PHACTR2: variants seen among roughly 807,000 people sequenced by gnomAD.
PHACTR2 encodes phosphatase and actin regulator 2.
In PHACTR2, 30 loss-of-function variants were observed where a neutral mutation model predicts 76.0. The observed-to-expected ratio is 0.39, with a 90% CI of 0.30 to 0.54. The LOEUF (loss-of-function observed/expected upper bound fraction) is 0.54, where lower values mean the gene tolerates loss of function less well. PHACTR2 is among the 20% of genes least tolerant of loss of function. The probability of loss-of-function intolerance (pLI) is 0.61; values close to 1 mark genes in which losing one functional copy is unlikely to be tolerated. For missense variants in PHACTR2, 696 were observed against 781.1 expected (o/e 0.89, Z 1.30); for synonymous variants, 292 against 292.5 (o/e 1.00, Z 0.02).
chr6:143,727,255 T>G (rs1259706207), intron 2 of PHACTR2, among the ~76,000 whole-genome samples: 1 of 152,154 alleles, frequency 6.6e-6, no homozygotes, highest in Non-Finnish European at 1.5e-5. Context: ...TTCCTCCAGT[T>G]GTATCTATGT....
intron 2 of PHACTR2, among the ~76,000 whole-genome samples, chr6:143,741,130 C>T (rs1778932492): frequency 6.7e-6 from 1 of 149,764 alleles, no homozygotes; most frequent in Non-Finnish European, 1.5e-5. Context: ...TGCCTGTAAT[C>T]CCAGCTACTC....
chr6:143,669,595 C>G (rs1777108259), intron 1 of PHACTR2, among the ~76,000 whole-genome samples: 1 of 152,114 alleles, frequency 6.6e-6, no homozygotes, highest in African/African-American at 2.4e-5. Context: ...GTTAATTCTT[C>G]TTGTTGCATC....
chr6:143,611,929 A>C lies in PHACTR2; in HGVS notation c.13+3607A>C, dbSNP rs1775983460. Among the ~76,000 whole-genome samples the C allele has an allele frequency of 6.6e-6, 1 of 152,230 alleles. No individual in the cohort carries two copies. Among genetic ancestry groups the C allele is most frequent in the African/African-American group, 2.4e-5 (1 of 41,466 alleles). Reference sequence around the variant, plus strand: ...ATATGGAGGCAGGGAGAACTGCAGCAGTCAAAGGAGACCCTGGAGGTTTCC... The same window carrying C: ...ATATGGAGGCAGGGAGAACTGCAGCCGTCAAAGGAGACCCTGGAGGTTTCC... On this transcript the variant is annotated intron_variant, in intron 1 of 11. Coordinates refer to the PHACTR2 transcript ENST00000305766. This position sits in a 1 kb window ranked among gnomAD's most constrained non-coding sequence, Gnocchi z 4.4.
At chr6:143,779,000 C>CT (rs1015002387) in intron 9 of PHACTR2, among the ~76,000 whole-genome samples, 12 of 152,050 alleles carry the variant, frequency 7.9e-5, no homozygotes, top group Admixed American at 2.0e-4. Context: ...GACTCCAGCC[C>CT]TTTTTTTCCT....
rs751090754 is a variant in PHACTR2, at chr6:143,711,035, A to C, written c.47-981A>C. 3 of 517,020 alleles carry C rather than the reference A, an allele frequency of 5.8e-6. No individual in the cohort carries two copies. In the Admixed American group the frequency reaches 5.9e-5, roughly 10 times the overall value. The allele number at this position is 517,020 out of a possible 1,614,324, so 32.0% of individuals were successfully genotyped here. On this transcript the variant is annotated intron_variant, in intron 1 of 12. Transcript: ENST00000440869. The stretch of plus-strand genomic sequence containing the variant: ...CTTCACTGTCAGTTTACGGTTTTTT[A>C]AAGGTAAATTTTACAAAAGTGAAAT...
Position 143,809,157 on chromosome 6 carries a change from A to T in PHACTR2, c.1922+2024A>T, listed in dbSNP as rs1210507492. Among the ~76,000 whole-genome samples the T allele has an allele frequency of 2.0e-5, 3 of 152,226 alleles. No individual in the cohort carries two copies. Among genetic ancestry groups the T allele is most frequent in the Non-Finnish European group, 4.4e-5 (3 of 68,036 alleles). ...TCTGATAGCCTTATCTTCATTTGAT[A>T]GCATGATATAAAGAACAAATTACAG... is the stretch of plus-strand genomic sequence containing the variant. On this transcript the variant is annotated intron_variant, in intron 12 of 12. Transcript: ENST00000440869. The surrounding 1 kb of genome is among the most constrained non-coding windows in gnomAD (Gnocchi z 4.2).
chr6:143,751,606 C>T lies in PHACTR2; in HGVS notation c.296-2148C>T, dbSNP rs527778370. 1.6e-4 allele frequency among the ~76,000 whole-genome samples: 25 copies of T among 152,128 alleles called. No individual in the cohort carries two copies. The highest frequency in any genetic ancestry group is 4.6e-4 in the Admixed American group (7 of 15,268). ...GGAGGTGACCCCCTTCAAACACCCT[C>T]GTGTTCCTTATTTAACCACTTGTTC... On this transcript the variant is annotated intron_variant, in intron 3 of 12. Coordinates refer to ENST00000440869, the MANE Select transcript of PHACTR2 (RefSeq NM_001100164.2). The surrounding 1 kb of genome is among the most constrained non-coding windows in gnomAD (Gnocchi z 5.7).
rs1318948564 is a variant in PHACTR2 at position 143,680,039 on chromosome 6, A to G, written c.46+1830A>G. 6.6e-6 allele frequency among the ~76,000 whole-genome samples: 1 copy of G among 152,070 alleles called. No homozygotes were observed. Among genetic ancestry groups the G allele is most frequent in the Non-Finnish European group, 1.5e-5 (1 of 68,010 alleles). ...AAGGAATGACAGTGGTTATGACTTA[A>G]GTTGTGGTATTGTAAAAGAACAGTT... On this transcript the variant is annotated intron_variant, in intron 1 of 12. Coordinates refer to ENST00000440869, the MANE Select transcript of PHACTR2 (RefSeq NM_001100164.2). The surrounding 1 kb of genome is among the most constrained non-coding windows in gnomAD (Gnocchi z 4.5).
At chr6:143,814,595 C>CATTTT (rs1776257211) in intron 12 of PHACTR2, among the ~76,000 whole-genome samples, 2 of 108,416 alleles carry the variant, frequency 1.8e-5, no homozygotes, top group East Asian at 5.2e-4. Flanking sequence ...GACATACACA[C>CATTTT]TTTTTTTTTT....
Position 143,610,284 on chromosome 6 carries a change from C to CA in PHACTR2, c.13+1973dup, listed in dbSNP as rs11155310. Among the ~76,000 whole-genome samples, 10,844 of 147,562 alleles carry CA rather than the reference C, an allele frequency of 0.073. 1,072 individuals are homozygous for CA. Among genetic ancestry groups the CA allele is most frequent in the African/African-American group, 0.23 (9,225 of 40,608 alleles). On this transcript the variant is annotated intron_variant, in intron 1 of 11. Coordinates refer to the PHACTR2 transcript ENST00000305766. The surrounding 1 kb of genome is among the most constrained non-coding windows in gnomAD (Gnocchi z 4.9). The stretch of plus-strand genomic sequence containing the variant: ...CATTTAAGATAAAACTGGTAAGTGG[C>CA]AAAAAAAAAAATCTGAAAAATCTGA...
In PHACTR2 at chr6:143,602,608, C is replaced by T. The variant is rs940799471; in HGVS notation, c.217+65401C>T. Among the ~76,000 whole-genome samples the T allele has an allele frequency of 3.9e-5, 6 of 152,202 alleles. No homozygotes were observed. Among genetic ancestry groups the T allele is most frequent in the Non-Finnish European group, 5.9e-5 (4 of 68,030 alleles). ...AGCTTTTGGCTCCCTGCTCATTCAT[C>T]GAAATGGTCAGCTAGCTTCTTGTGC... On this transcript the variant is annotated intron_variant, in intron 1 of 11. Transcript: ENST00000367584. The surrounding 1 kb of genome is among the most constrained non-coding windows in gnomAD (Gnocchi z 6.1).
At chr6:143,713,696 AT>A (rs1343925304) in intron 2 of PHACTR2, among the ~76,000 whole-genome samples, 1 of 152,106 alleles carries the variant, frequency 6.6e-6, no homozygotes, top group African/African-American at 2.4e-5. Flanking sequence ...TCAGTTCCTG[AT>A]TCTGTTGTTG....
rs1775177566 is a variant in PHACTR2 at position 143,772,399 on chromosome 6, G to T, written c.1374G>T (p.Gly458=). 1 of 1,614,034 alleles carries T rather than the reference G, an allele frequency of 6.2e-7. No individual in the cohort carries two copies. Among genetic ancestry groups the T allele is most frequent in the African/African-American group, 1.3e-5 (1 of 74,930 alleles). The change falls in exon 7 of 13, where the codon GGG becomes GGT. Residue 458 remains glycine, a synonymous_variant. Coordinates refer to ENST00000440869, the MANE Select transcript of PHACTR2 (RefSeq NM_001100164.2). The surrounding 1 kb of genome is among the most constrained non-coding windows in gnomAD (Gnocchi z 5.4). The stretch of plus-strand genomic sequence containing the variant: ...AAGCCAATGACTCTGACTCGGACGG[G>T]CCTATCTTGTACACCGATGATGAGG... ...EYQANDSDSD[G]PILYTDDEDE... is the part of the protein sequence containing the mutation.
chr6:143,612,078 T>C (rs1582699132), intron 1 of PHACTR2, among the ~76,000 whole-genome samples: 1 of 152,208 alleles, frequency 6.6e-6, no homozygotes, highest in African/African-American at 2.4e-5. Context: ...CCACTAGCCA[T>C]AGTAGTTGGT....
chr6:143,615,281 T>C (rs762567563), intron 1 of PHACTR2, among the ~76,000 whole-genome samples: 17 of 152,194 alleles, frequency 1.1e-4, no homozygotes, highest in Non-Finnish European at 1.9e-4. Flanking sequence ...TTTTACTGCT[T>C]TAAGAGTGGG....
Position 143,548,312 on chromosome 6 carries a change from C to T in PHACTR2, c.217+11105C>T, listed in dbSNP as rs1375333446. On this transcript the variant is annotated intron_variant, in intron 1 of 11. Coordinates refer to the PHACTR2 transcript ENST00000367584. This position sits in a 1 kb window ranked among gnomAD's most constrained non-coding sequence, Gnocchi z 4.5. ...CAAAGACTCCACCTCATAATACCAT[C>T]ATGTTAGGGGATAGGGTTCTAATGT... Among the ~76,000 whole-genome samples, 1 of 149,918 alleles carries T rather than the reference C, an allele frequency of 6.7e-6. No individual in the cohort carries two copies. The highest frequency in any genetic ancestry group is 1.5e-5 in the Non-Finnish European group (1 of 66,568).
chr6:143,605,548 G>T (rs1023253617), upstream of PHACTR2, among the ~76,000 whole-genome samples: 3 of 152,116 alleles, frequency 2.0e-5, no homozygotes, highest in Non-Finnish European at 2.9e-5. The surrounding 1 kb of genome is among the most constrained non-coding windows in gnomAD (Gnocchi z 5.0). Context: ...GCTGGGGAGG[G>T]ACAGAGGAGG....
Position 143,556,227 on chromosome 6 carries a change from C to T in PHACTR2, c.217+19020C>T, listed in dbSNP as rs917306329. ...GATACCAGCTACTGTATAATTCGGCCCCAGTTCATTTCAGACTTTCTTCCT... is the reference window on the plus strand; with the variant it reads ...GATACCAGCTACTGTATAATTCGGCTCCAGTTCATTTCAGACTTTCTTCCT... On this transcript the variant is annotated intron_variant, in intron 1 of 11. Coordinates refer to the PHACTR2 transcript ENST00000367584. The surrounding 1 kb of genome is among the most constrained non-coding windows in gnomAD (Gnocchi z 4.3). Among the ~76,000 whole-genome samples, 58 of 152,256 alleles carry T rather than the reference C, an allele frequency of 3.8e-4. No homozygotes were observed. Among genetic ancestry groups the T allele is most frequent in the Non-Finnish European group, 5.6e-4 (38 of 68,030 alleles).
rs563923948 is a variant in PHACTR2 at position 143,687,563 on chromosome 6, A to C, written c.46+9354A>C. ...TCCCCACAAAAGCAGGGGAACAAAAACCAAAACTACAGAAATGCGGAAAGG... is the reference window on the plus strand; with the variant it reads ...TCCCCACAAAAGCAGGGGAACAAAACCCAAAACTACAGAAATGCGGAAAGG... On this transcript the variant is annotated intron_variant, in intron 1 of 12. Coordinates refer to ENST00000440869, the MANE Select transcript of PHACTR2 (RefSeq NM_001100164.2). 4.6e-5 allele frequency among the ~76,000 whole-genome samples: 7 copies of C among 152,352 alleles called. No homozygotes were observed. The South Asian group carries it at 1.0e-3, about 23-fold the overall frequency.
Sources: gnomAD v4.1 joint callset for allele counts (sites outside exome capture counted in the v4.1 genomes callset) on GRCh38, gnomAD v4.1.1 for gene constraint, Gnocchi (gnomAD v3.1) non-coding constraint, MANE v1.5 for transcripts, NCBI Gene and HGNC (gene_info 2026-07-23, HGNC 2026-07-21) for gene names.